CELF4: variants seen among roughly 807,000 people sequenced by gnomAD.
The protein encoded by CELF4 is CUG-BP- and ETR-3-like factor 4.
A neutral mutation model predicts 59.9 loss-of-function variants in CELF4; 18 were observed. That is an observed-to-expected ratio of 0.30 (90% CI 0.21 to 0.45). The LOEUF is 0.45. CELF4 is among the 20% of genes least tolerant of loss of function. The pLI, the probability that CELF4 is intolerant of heterozygous loss-of-function variation, is 1.00. For missense variants in CELF4, 456 were observed against 689.0 expected (o/e 0.66, Z 3.79); for synonymous variants, 261 against 267.1 (o/e 0.98, Z 0.22).
chr18:37,554,100 C>A lies in CELF4; in HGVS notation c.286+11256G>T, dbSNP rs535478704. Among the ~76,000 whole-genome samples the A allele has an allele frequency of 8.9e-4, 135 of 152,302 alleles. 1 individual carries two copies. Among genetic ancestry groups the A allele is most frequent in the South Asian group, 7.5e-3 (36 of 4,828 alleles). On this transcript the variant is annotated intron_variant, in intron 1 of 12. Transcript: ENST00000420428. ...GGGAGAGGGCACTTTGGGCGGATGA[C>A]TGAATGCTGGTGCCAGAACCCACAC...
intron 1 of CELF4, among the ~76,000 whole-genome samples, chr18:37,521,956 G>C (rs983563673): frequency 5.9e-5 from 9 of 152,260 alleles, no homozygotes; most frequent in African/African-American, 1.9e-4. Flanking sequence ...CACCTCCACC[G>C]TGCCGGGTTA....
chr18:37,453,475 C>T (rs547516517), intron 2 of CELF4, among the ~76,000 whole-genome samples: 21 of 152,336 alleles, frequency 1.4e-4, no homozygotes, highest in Non-Finnish European at 1.8e-4. Flanking sequence ...GAACTGGTCC[C>T]TGCCACAAAC....
rs192039643 is a variant in CELF4, at chr18:37,306,724, G to A, written c.448+15079C>T. On this transcript the variant is annotated intron_variant, in intron 3 of 12. Coordinates refer to ENST00000420428, the MANE Select transcript of CELF4 (RefSeq NM_020180.4). ...TGGCATGCCGTGGTGAGCGGTGAGCGGATAAAAGGAAATGTCCCAGTTGGA... is the reference window on the plus strand; with the variant it reads ...TGGCATGCCGTGGTGAGCGGTGAGCAGATAAAAGGAAATGTCCCAGTTGGA... Among the ~76,000 whole-genome samples the A allele has an allele frequency of 3.3e-4, 50 of 152,226 alleles. 2 individuals are homozygous for A. The East Asian group carries it at 5.4e-3, about 17-fold the overall frequency.
intron 2 of CELF4, among the ~76,000 whole-genome samples, chr18:37,322,671 G>A (rs570332928): frequency 2.0e-5 from 3 of 152,220 alleles, no homozygotes; most frequent in South Asian, 2.1e-4. Context: ...AGGGCTCACC[G>A]GGAGGCACCA....
At chr18:37,304,572 G>GAGCTCC (rs2096276238) in intron 3 of CELF4, among the ~76,000 whole-genome samples, 1 of 152,028 alleles carries the variant, frequency 6.6e-6, no homozygotes, top group Admixed American at 6.5e-5. Flanking sequence ...ATAAAGAAAT[G>GAGCTCC]AGCTTCAGCT....
intron 2 of CELF4, among the ~76,000 whole-genome samples, chr18:37,450,493 G>A (rs1029655809): frequency 6.1e-5 from 9 of 146,364 alleles, no homozygotes; most frequent in South Asian, 2.3e-4. Flanking sequence ...CTGTCTCCCC[G>A]CCCCCTTTCC....
At chr18:37,520,365 A>T (rs1413998671) in intron 1 of CELF4, among the ~76,000 whole-genome samples, 1 of 152,064 alleles carries the variant, frequency 6.6e-6, no homozygotes, top group East Asian at 1.9e-4. Flanking sequence ...TAAATAGGGC[A>T]TGTCTTCTCC....
chr18:37,274,628 G>T (rs752336909), intron 5 of CELF4, 174 bp from the exon 6 acceptor site: 3 of 1,504,492 alleles, frequency 2.0e-6, no homozygotes, highest in Non-Finnish European at 2.6e-6. Context: ...TTTCCACCTG[G>T]GTAACCTCAG....
chr18:37,519,300 G>A (rs549553333), intron 1 of CELF4, among the ~76,000 whole-genome samples: 1 of 152,216 alleles, frequency 6.6e-6, no homozygotes, highest in South Asian at 2.1e-4. Flanking sequence ...AGCCAGGTGG[G>A]TGGTGGTACT....
intron 5 of CELF4, 143 bp downstream of exon 5, chr18:37,274,662 C>A: frequency 6.8e-7 from 1 of 1,479,854 alleles, no homozygotes; most frequent in Middle Eastern, 1.8e-4. Context: ...CATCCCTGGG[C>A]TTCCGCGTCC....
intron 2 of CELF4, among the ~76,000 whole-genome samples, chr18:37,362,344 T>A (rs867365153): frequency 1.1e-4 from 17 of 152,290 alleles, no homozygotes; most frequent in South Asian, 8.3e-4. Flanking sequence ...TGCGGACGCA[T>A]CACTCCCCGG....
chr18:37,530,914 A>G (rs1454524796), intron 1 of CELF4, among the ~76,000 whole-genome samples: 4 of 151,066 alleles, frequency 2.6e-5, no homozygotes, highest in Non-Finnish European at 4.4e-5. Flanking sequence ...AAAAAAAAAA[A>G]GGACTGATAA....
chr18:37,378,664 G>A (rs2099000460), intron 2 of CELF4, among the ~76,000 whole-genome samples: 1 of 151,966 alleles, frequency 6.6e-6, no homozygotes, highest in African/African-American at 2.4e-5. Context: ...GCACTTGGGG[G>A]TAAGCCATGC....
chr18:37,478,283 C>T (rs560984968), intron 2 of CELF4, among the ~76,000 whole-genome samples: 5 of 152,314 alleles, frequency 3.3e-5, no homozygotes, highest in South Asian at 2.1e-4. Context: ...GCCCAGACCA[C>T]GTGGCTTGTT....
At chr18:37,390,814 G>GGA (rs2099152826) in intron 2 of CELF4, among the ~76,000 whole-genome samples, 1 of 126,338 alleles carries the variant, frequency 7.9e-6, no homozygotes, top group Non-Finnish European at 1.7e-5. Flanking sequence ...GGGAGGGGGG[G>GGA]CAGTGCTGCT....
At chr18:37,498,345 C>T (rs1010604909) in intron 1 of CELF4, among the ~76,000 whole-genome samples, 2 of 137,298 alleles carry the variant, frequency 1.5e-5, no homozygotes, top group Non-Finnish European at 3.1e-5. Flanking sequence ...TCTTCCCTTC[C>T]CTTCCCTCCC....
chr18:37,286,180 T>G (rs929990177), intron 3 of CELF4, among the ~76,000 whole-genome samples: 8 of 151,940 alleles, frequency 5.3e-5, no homozygotes, highest in South Asian at 2.1e-4. Context: ...CAAGGAATGG[T>G]GTTAAAAGCT....
At chr18:37,248,084 C>T (rs1487349412) in intron 12 of CELF4, among the ~76,000 whole-genome samples, 1 of 151,554 alleles carries the variant, frequency 6.6e-6, no homozygotes, top group Non-Finnish European at 1.5e-5. Context: ...GCTCGGCCCT[C>T]CCACCCTGTG....
chr18:37,391,131 G>A (rs2099157231), intron 2 of CELF4, among the ~76,000 whole-genome samples: 1 of 152,038 alleles, frequency 6.6e-6, no homozygotes. Flanking sequence ...CCCCTGGGGA[G>A]GGGTCCCTAA....
Sources: gnomAD v4.1 joint callset for allele counts (sites outside exome capture counted in the v4.1 genomes callset) on GRCh38, gnomAD v4.1.1 for gene constraint, MANE v1.5 for transcripts, NCBI Gene and HGNC (gene_info 2026-07-23, HGNC 2026-07-21) for gene names.